STXBP5L: variants seen among roughly 807,000 people sequenced by gnomAD.
STXBP5L encodes the protein syntaxin binding protein 5L, also known as syntaxin-binding protein 5-like.
In STXBP5L, 65 loss-of-function variants were observed where a neutral mutation model predicts 144.5. That is an observed-to-expected ratio of 0.45 (90% confidence interval 0.37 to 0.55). The LOEUF is 0.55. Among genes scored for constraint, STXBP5L ranks in the 20% least tolerant of loss-of-function variants. STXBP5L has a pLI of 0.00. For synonymous variants in STXBP5L, 505 were observed against 469.6 expected (o/e 1.08, Z -0.97); for missense variants, 1,298 against 1,405.5 (o/e 0.92, Z 1.22).
chr3:121,323,629 A>G (rs2044049485), intron 20 of STXBP5L, among the ~76,000 whole-genome samples: 1 of 152,220 alleles, frequency 6.6e-6, no homozygotes, highest in African/African-American at 2.4e-5. Flanking sequence ...CAGTTTCTAC[A>G]GCTAGACATT....
At chr3:121,180,274 G>A (rs748639965) in intron 9 of STXBP5L, among the ~76,000 whole-genome samples, 28 of 152,180 alleles carry the variant, frequency 1.8e-4, no homozygotes, top group Non-Finnish European at 2.9e-4. Flanking sequence ...AGGAACTGGG[G>A]TCCCATCTTT....
At chr3:121,135,646 G>C (rs2045216983) in intron 7 of STXBP5L, among the ~76,000 whole-genome samples, 1 of 152,190 alleles carries the variant, frequency 6.6e-6, no homozygotes, top group South Asian at 2.1e-4. Context: ...TCTGACAGGA[G>C]GCGGAGCTCT....
At chr3:121,095,119 G>T (rs1200328943) in intron 5 of STXBP5L, among the ~76,000 whole-genome samples, 1 of 152,174 alleles carries the variant, frequency 6.6e-6, no homozygotes, top group Non-Finnish European at 1.5e-5. Flanking sequence ...TTGGCCCCCA[G>T]TGTCTTCTGG....
intron 18 of STXBP5L, among the ~76,000 whole-genome samples, chr3:121,268,954 C>A (rs2050657831): frequency 6.6e-6 from 1 of 152,092 alleles, no homozygotes; most frequent in Non-Finnish European, 1.5e-5. Context: ...CTGAATTACA[C>A]CAGGTCTTTA....
At chr3:121,089,498 T>G (rs1387777227) in intron 5 of STXBP5L, among the ~76,000 whole-genome samples, 1 of 147,262 alleles carries the variant, frequency 6.8e-6, no homozygotes, top group African/African-American at 2.5e-5. Context: ...ATAGTTAAGG[T>G]GTTGTTTTTT....
intron 5 of STXBP5L, among the ~76,000 whole-genome samples, chr3:121,089,400 T>G (rs2042664676): frequency 6.6e-6 from 1 of 151,954 alleles, no homozygotes; most frequent in African/African-American, 2.4e-5. Context: ...TCTTTGTTTT[T>G]CATTTTATAC....
At chr3:121,090,986 T>A (rs1448310544) in intron 5 of STXBP5L, among the ~76,000 whole-genome samples, 2 of 141,510 alleles carry the variant, frequency 1.4e-5, no homozygotes, top group Admixed American at 7.6e-5. Context: ...TGTCCATGTG[T>A]TCTCATTGTT....
intron 20 of STXBP5L, among the ~76,000 whole-genome samples, chr3:121,364,832 GT>G (rs2045818695): frequency 6.6e-6 from 1 of 151,734 alleles, no homozygotes; most frequent in African/African-American, 2.4e-5. Flanking sequence ...AGCTCTAACA[GT>G]TTTTTGTGGA....
chr3:120,994,199 C>T (rs1307149591), intron 3 of STXBP5L, among the ~76,000 whole-genome samples: 1 of 151,918 alleles, frequency 6.6e-6, no homozygotes, highest in Non-Finnish European at 1.5e-5. Flanking sequence ...TTGGTGCAGT[C>T]TTTAAGTTTT....
chr3:121,223,742 A>G (rs947728397), intron 11 of STXBP5L, among the ~76,000 whole-genome samples: 2 of 152,180 alleles, frequency 1.3e-5, no homozygotes, highest in African/African-American at 4.8e-5. Flanking sequence ...TTTTGTAAAC[A>G]TAACAACTAG....
intron 20 of STXBP5L, among the ~76,000 whole-genome samples, chr3:121,346,457 G>A (rs1220054665): frequency 6.6e-6 from 1 of 152,002 alleles, no homozygotes; most frequent in Admixed American, 6.5e-5. Context: ...AATCCTTTGG[G>A]TATATACCCA....
In STXBP5L at chr3:120,946,147, T is replaced by C. The variant is rs535908140; in HGVS notation, c.190-8793T>C. Among the ~76,000 whole-genome samples the C allele has an allele frequency of 5.7e-4, 87 of 151,970 alleles. 2 individuals are homozygous for C. In the South Asian group the frequency reaches 0.015, roughly 26 times the overall value. On this transcript the variant is annotated intron_variant, in intron 2 of 26. Coordinates refer to ENST00000471454, the MANE Select transcript of STXBP5L (RefSeq NM_001308330.2). ...TCTTTTTAAAAATGAATGGTTGGGG[T>C]ATGTATTAGGATGCAAGTTAGGCTA...
intron 9 of STXBP5L, among the ~76,000 whole-genome samples, chr3:121,194,528 C>T (rs2047843353): frequency 6.6e-6 from 1 of 150,700 alleles, no homozygotes; most frequent in Non-Finnish European, 1.5e-5. Flanking sequence ...AAAAAAGTAA[C>T]TTTGTGTTTA....
intron 19 of STXBP5L, among the ~76,000 whole-genome samples, chr3:121,284,129 G>A (rs181862369): frequency 3.5e-4 from 53 of 152,046 alleles, no homozygotes; most frequent in African/African-American, 1.2e-3. Context: ...GTTTTTAAAA[G>A]TTCTGAGAAA....
At chr3:121,208,309 A>G (rs2048419393) in intron 10 of STXBP5L, among the ~76,000 whole-genome samples, 1 of 135,616 alleles carries the variant, frequency 7.4e-6, no homozygotes, top group Non-Finnish European at 1.6e-5. Context: ...CAGGAAGGGG[A>G]ACATCACACA....
chr3:121,282,240 T>A, intron 19 of STXBP5L: 1 of 1,604,124 alleles, frequency 6.2e-7, no homozygotes, highest in African/African-American at 1.3e-5. Flanking sequence ...CTGCTGCTGA[T>A]GCTGGTGGTC....
intron 9 of STXBP5L, among the ~76,000 whole-genome samples, chr3:121,172,379 A>G (rs754336155): frequency 5.3e-5 from 8 of 152,198 alleles, no homozygotes; most frequent in Non-Finnish European, 1.2e-4. Context: ...AAAAGAAACT[A>G]CCATCAGAGT....
At chr3:121,340,745 G>C (rs1357942585) in intron 20 of STXBP5L, among the ~76,000 whole-genome samples, 4 of 151,954 alleles carry the variant, frequency 2.6e-5, no homozygotes, top group African/African-American at 4.8e-5. Context: ...TGTGTAAATT[G>C]CTCATACATT....
intron 3 of STXBP5L, among the ~76,000 whole-genome samples, chr3:120,981,203 G>A (rs1271301731): frequency 6.6e-6 from 1 of 152,120 alleles, no homozygotes; most frequent in African/African-American, 2.4e-5. Flanking sequence ...GTCTTGCAAT[G>A]TATCTTCCAG....
Sources: gnomAD v4.1 joint callset for allele counts (sites outside exome capture counted in the v4.1 genomes callset) on GRCh38, gnomAD v4.1.1 for gene constraint, MANE v1.5 for transcripts, NCBI Gene and HGNC (gene_info 2026-07-23, HGNC 2026-07-21) for gene names.